The following RFC1 variants were observed in gnomAD, a reference collection of about 807,000 sequenced individuals.
The protein encoded by RFC1 is replication factor C subunit 1.
In RFC1, 37 loss-of-function variants were observed where a neutral mutation model predicts 137.4. The ratio of observed to expected loss-of-function variants is 0.27; its 90% confidence interval spans 0.21 to 0.35. The LOEUF (loss-of-function observed/expected upper bound fraction) is 0.35. Ranked by LOEUF, RFC1 falls within the 10% of genes least tolerant of loss-of-function variation. RFC1 has a pLI of 1.00. For synonymous variants in RFC1, 429 were observed against 455.7 expected, an observed-to-expected ratio of 0.94 and a Z score of 0.75; for missense variants, 1,205 against 1,358.5, an observed-to-expected ratio of 0.89 and a Z score of 1.78.
At position 39,290,059 on chromosome 4, in the gene RFC1, G is replaced by A; in HGVS notation, c.3169-20C>T. On this transcript the variant is annotated intron_variant, in intron 23 of 24. Coordinates refer to ENST00000349703, the MANE Select transcript of RFC1 (RefSeq NM_002913.5). ...TTTCACCTATATGAAAGGAGTAGAT[G>A]GAGTTTTTAAAAATCTAAGTCCCAA... The A allele has an allele frequency of 6.4e-7, 1 of 1,563,226 alleles. No individual in the cohort carries two copies. Among genetic ancestry groups the A allele is most frequent in the Non-Finnish European group, 8.7e-7 (1 of 1,148,690 alleles).
chr4:39,355,547 C>T (rs1333488738), intron 1 of RFC1, among the ~76,000 whole-genome samples: 1 of 136,692 alleles, frequency 7.3e-6, no homozygotes, highest in Non-Finnish European at 1.7e-5. Context: ...AAAAGAAATG[C>T]AAATAGCCAA....
intron 12 of RFC1, 95 bp downstream of exon 12, chr4:39,311,350 T>C (rs974308163): frequency 1.8e-5 from 17 of 968,616 alleles, no homozygotes; most frequent in Non-Finnish European, 2.5e-5. Flanking sequence ...GATGTTAATC[T>C]TTCAGCCAAC....
intron 10 of RFC1, among the ~76,000 whole-genome samples, chr4:39,313,650 C>A (rs149788315): frequency 1.3e-5 from 2 of 151,928 alleles, no homozygotes; most frequent in Non-Finnish European, 2.9e-5. Flanking sequence ...CTGAATGCAA[C>A]TTATAATGCT....
intron 1 of RFC1, among the ~76,000 whole-genome samples, chr4:39,358,615 T>C (rs1741598044): frequency 6.6e-6 from 1 of 152,218 alleles, no homozygotes; most frequent in African/African-American, 2.4e-5. Context: ...AACAAGTTGC[T>C]CATTTATTAA....
chr4:39,294,600 G>A (rs1737872922), intron 22 of RFC1, among the ~76,000 whole-genome samples: 1 of 151,954 alleles, frequency 6.6e-6, no homozygotes, highest in Admixed American at 6.5e-5. Context: ...AACCTCAGAG[G>A]TGGAGCTTGC....
chr4:39,332,331 GTTCA>G (rs2109702904), intron 4 of RFC1, among the ~76,000 whole-genome samples: 1 of 152,228 alleles, frequency 6.6e-6, no homozygotes, highest in East Asian at 1.9e-4. Context: ...GCTTACTTCT[GTTCA>G]TTATTTATCA....
rs759045902 is a variant in RFC1, at chr4:39,302,300, C to A, written c.2513G>T (p.Arg838Ile). Residue 838 changes from arginine to isoleucine, a missense_variant, in exon 19 of 25, where the codon AGA becomes ATA. This residue lies in a region of RFC1 where 962 missense variants were observed against 1,035.3 expected (regional missense o/e 0.93). Coordinates refer to ENST00000349703, the MANE Select transcript of RFC1 (RefSeq NM_002913.5). Reference sequence around the variant, plus strand: ...TACCATTTTGATATCCTTTTTGGCTCTGTGAGAATCAGCTTTGGCCTGGTC... The same window carrying A: ...TACCATTTTGATATCCTTTTTGGCTATGTGAGAATCAGCTTTGGCCTGGTC... The part of the protein sequence containing the change: ...TYDQAKADSH[R>I]AKKDIKMGPF... 3 of 1,610,878 alleles carry A rather than the reference C, an allele frequency of 1.9e-6. No homozygotes were observed. In the East Asian group the frequency reaches 6.7e-5, roughly 36 times the overall value.
At chr4:39,347,656 G>A (rs1186890385) in intron 2 of RFC1, among the ~76,000 whole-genome samples, 2 of 152,218 alleles carry the variant, frequency 1.3e-5, no homozygotes, top group Non-Finnish European at 2.9e-5. Context: ...AGACTGCCAT[G>A]AAGGAACTGC....
chr4:39,365,153 G>GAAAAAAAAAAAA (rs745527928), intron 1 of RFC1, among the ~76,000 whole-genome samples: 2 of 79,880 alleles, frequency 2.5e-5, no homozygotes, highest in Non-Finnish European at 4.6e-5. Flanking sequence ...GGGTTGAAAT[G>GAAAAAAAAAAAA]AAAAAAAAAA....
At chr4:39,343,562 A>G (rs1740705122) in intron 3 of RFC1, among the ~76,000 whole-genome samples, 1 of 152,216 alleles carries the variant, frequency 6.6e-6, no homozygotes, top group African/African-American at 2.4e-5. Flanking sequence ...CATAAACTTT[A>G]GTGTCCTTCC....
intron 9 of RFC1, among the ~76,000 whole-genome samples, chr4:39,317,277 T>C (rs1303983468): frequency 1.3e-5 from 2 of 152,180 alleles, no homozygotes; most frequent in African/African-American, 2.4e-5. Flanking sequence ...TAAGCCAAGT[T>C]GCCAGCTCCA....
intron 1 of RFC1, among the ~76,000 whole-genome samples, chr4:39,360,454 A>G (rs1741696459): frequency 1.3e-5 from 2 of 152,060 alleles, no homozygotes; most frequent in Non-Finnish European, 2.9e-5. Context: ...CAGTGAGCCA[A>G]GGTCGCGCCA....
chr4:39,348,434 G>GA (rs1164416980), intron 2 of RFC1, among the ~76,000 whole-genome samples: 28 of 86,908 alleles, frequency 3.2e-4, no homozygotes, highest in Non-Finnish European at 4.9e-4. Context: ...AAAAAGAAAA[G>GA]AAAAGAAAAG....
intron 8 of RFC1, among the ~76,000 whole-genome samples, chr4:39,320,912 T>C (rs1739488640): frequency 6.6e-6 from 1 of 152,166 alleles, no homozygotes; most frequent in African/African-American, 2.4e-5. Flanking sequence ...CTACAGGCAA[T>C]AAGCAAGAGA....
chr4:39,362,458 G>T (rs1310490507), intron 1 of RFC1, among the ~76,000 whole-genome samples: 1 of 152,216 alleles, frequency 6.6e-6, no homozygotes, highest in African/African-American at 2.4e-5. Flanking sequence ...CAATGGAACA[G>T]AACTGGGAGT....
intron 1 of RFC1, among the ~76,000 whole-genome samples, chr4:39,364,804 G>A (rs1053789125): frequency 6.6e-6 from 1 of 152,076 alleles, no homozygotes; most frequent in Non-Finnish European, 1.5e-5. Context: ...AGGAAACAGA[G>A]GCTTAAAGAG....
In RFC1 at chr4:39,312,946, G is replaced by A; in HGVS notation, c.1204-15C>T. 1.9e-6 allele frequency: 3 copies of A among 1,577,710 alleles called. No individual in the cohort carries two copies. Among genetic ancestry groups the A allele is most frequent in the Non-Finnish European group, 2.6e-6 (3 of 1,158,258 alleles). ...TTTTCAGCTCCCTAAAAACCAAAAT[G>A]TTCAAGCAGAGAGGAAATTACATGG... On this transcript the variant is annotated splice_polypyrimidine_tract_variant and intron_variant, in intron 10 of 24. Coordinates refer to ENST00000349703, the MANE Select transcript of RFC1 (RefSeq NM_002913.5).
chr4:39,313,465 A>G (rs1337619084), intron 10 of RFC1, among the ~76,000 whole-genome samples: 1 of 152,198 alleles, frequency 6.6e-6, no homozygotes, highest in Non-Finnish European at 1.5e-5. Flanking sequence ...GCTTTTCACC[A>G]CATTAGTGAT....
chr4:39,327,286 C>T (rs886326405), intron 5 of RFC1, among the ~76,000 whole-genome samples: 25 of 152,106 alleles, frequency 1.6e-4, no homozygotes, highest in Admixed American at 1.4e-3. Flanking sequence ...GAATAATTAT[C>T]ATTTTTTCTT....
Sources: allele counts gnomAD v4.1 joint callset (sites outside exome capture counted in the v4.1 genomes callset), GRCh38; gene constraint gnomAD v4.1.1; regional missense constraint gnomAD v4.1.1; transcripts MANE v1.5; gene names NCBI Gene and HGNC (gene_info 2026-07-23, HGNC 2026-07-21).